AGAP6: variants seen among roughly 807,000 people sequenced by gnomAD.
AGAP6 encodes the protein arf-GAP with GTPase, ANK repeat and PH domain-containing protein 6.
A neutral mutation model predicts 63.9 loss-of-function variants in AGAP6; 29 were observed. That is an observed-to-expected ratio of 0.45 (90% CI 0.34 to 0.62). AGAP6 has a LOEUF of 0.62. Ranked by LOEUF, AGAP6 falls within the 20% of genes least tolerant of loss-of-function variation. The probability of loss-of-function intolerance (pLI) is 0.01; values close to 1 mark genes in which losing one functional copy is unlikely to be tolerated. For missense variants in AGAP6, 493 were observed against 884.9 expected (o/e 0.56, Z 5.62); for synonymous variants, 199 against 332.9 (o/e 0.60, Z 4.38).
intron 6 of AGAP6, among the ~76,000 whole-genome samples, chr10:50,006,904 A>G (rs1216536975): frequency 2.0e-5 from 3 of 152,126 alleles, no homozygotes; most frequent in Non-Finnish European, 4.4e-5. Context: ...TGTAGGGGAC[A>G]GTGAAGAATA....
At position 49,996,719 on chromosome 10, in the gene AGAP6, AT is replaced by A. The variant is rs566634271; in HGVS notation, c.396+2293del. On this transcript the variant is annotated intron_variant, in intron 4 of 7. Coordinates refer to ENST00000412531, the MANE Select transcript of AGAP6 (RefSeq NM_001077665.3). Reference sequence around the variant, plus strand: ...GGTGGACTTGGGGCTCTAGTTAGAGATTTGCAACTGACCTTGCTGGCTTTTT... The same window carrying A: ...GGTGGACTTGGGGCTCTAGTTAGAGATTGCAACTGACCTTGCTGGCTTTTT... Among the ~76,000 whole-genome samples the A allele has an allele frequency of 1.1e-4, 15 of 142,810 alleles. No individual in the cohort carries two copies. The South Asian group carries it at 3.1e-3, about 30-fold the overall frequency. 93.7% of individuals were successfully genotyped at this position (142,810 alleles called of 152,430 possible). A position where few individuals can be genotyped will look rare whatever the true frequency, so the allele number is the denominator to read the frequency against.
intron 6 of AGAP6, among the ~76,000 whole-genome samples, chr10:50,005,043 G>T (rs1841861416): frequency 6.6e-6 from 1 of 152,130 alleles, no homozygotes; most frequent in East Asian, 1.9e-4. Flanking sequence ...ATGCTTTGTT[G>T]TGAGGACTGT....
intron 4 of AGAP6, among the ~76,000 whole-genome samples, chr10:49,995,496 G>GA (rs2132129110): frequency 6.6e-6 from 1 of 152,246 alleles, no homozygotes; most frequent in South Asian, 2.1e-4. Flanking sequence ...GCCTTTCAAA[G>GA]ATATTTTCCA....
At chr10:49,990,314 G>A (rs370519901) in intron 2 of AGAP6, among the ~76,000 whole-genome samples, 1 of 152,034 alleles carries the variant, frequency 6.6e-6, no homozygotes, top group African/African-American at 2.4e-5. Context: ...GCGTAGTGGC[G>A]CATGACTGTA....
chr10:49,988,968 C>T (rs781864560), intron 1 of AGAP6, 30 bp downstream of exon 1: 11 of 1,600,624 alleles, frequency 6.9e-6, no homozygotes, highest in Middle Eastern at 1.9e-4. Context: ...CATCTACCCT[C>T]GGTTTGCCTC....
At chr10:50,007,911 A>G in intron 6 of AGAP6, 114 bp from the exon 7 acceptor site, 1 of 1,589,796 alleles carries the variant, frequency 6.3e-7, no homozygotes, top group African/African-American at 1.4e-5. Context: ...AGAATTCATA[A>G]AAACTGCTTT....
At chr10:50,004,435 GTTA>G (rs1425147259) in intron 5 of AGAP6, among the ~76,000 whole-genome samples, 1 of 150,664 alleles carries the variant, frequency 6.6e-6, no homozygotes, top group African/African-American at 2.4e-5. Flanking sequence ...AGGGAAATCT[GTTA>G]TTATTTATAT....
In AGAP6 at chr10:50,009,164, C is replaced by T. The variant is rs1308213044; in HGVS notation, c.1039C>T (p.Leu347=). ...TIKVPGKWPS[L]ATSACTPISS... is the part of the protein sequence containing the mutation. ...CAAAGTCCCAGGAAAGTGGCCATCCCTAGCCACATCGGCCTGCACACCCAT... is the reference window on the plus strand; with the variant it reads ...CAAAGTCCCAGGAAAGTGGCCATCCTTAGCCACATCGGCCTGCACACCCAT... Residue 347 remains leucine (L), a synonymous_variant, in exon 8 of 8, where the codon CTA becomes TTA. Transcript: ENST00000412531. 6.2e-7 allele frequency: 1 copy of T among 1,612,768 alleles called. No individual in the cohort carries two copies. Among genetic ancestry groups the T allele is most frequent in the South Asian group, 1.1e-5 (1 of 91,046 alleles).
chr10:50,002,071 C>A lies in AGAP6; in HGVS notation c.472C>A (p.His158Asn), dbSNP rs1554863027. 3.7e-6 allele frequency: 6 copies of A among 1,610,436 alleles called. No individual in the cohort carries two copies. The highest frequency in any genetic ancestry group is 5.1e-6 in the Non-Finnish European group (6 of 1,179,684). ...IFLDDSTAIQHYLTMTIISVT... is the reference protein window; with the variant it reads ...IFLDDSTAIQNYLTMTIISVT... The stretch of plus-strand genomic sequence containing the variant: ...CCTTGATGACAGCACAGCCATCCAG[C>A]ATTATCTTACAATGACAATAATATC... Residue 158 changes from histidine to asparagine, a missense_variant, in exon 5 of 8, where the codon CAT (histidine) becomes AAT (asparagine). His to Asn is a moderately conservative substitution (Grantham distance 68). This residue lies in a region of AGAP6 where 342 missense variants were observed against 533.4 expected (regional missense o/e 0.64). Transcript: ENST00000412531.
chr10:49,992,551 A>G (rs148343903), intron 3 of AGAP6, among the ~76,000 whole-genome samples: 3 of 152,292 alleles, frequency 2.0e-5, no homozygotes, highest in Non-Finnish European at 4.4e-5. Flanking sequence ...CATTTTTTAC[A>G]TTACTGTAAA....
At chr10:49,999,063 T>C (rs1301106928) in intron 4 of AGAP6, among the ~76,000 whole-genome samples, 1 of 136,572 alleles carries the variant, frequency 7.3e-6, no homozygotes, top group Non-Finnish European at 1.5e-5. Flanking sequence ...CATGGTGAAA[T>C]CCCATCTCTA....
intron 4 of AGAP6, among the ~76,000 whole-genome samples, chr10:49,996,729 G>A (rs1398217444): frequency 6.9e-6 from 1 of 145,536 alleles, no homozygotes; most frequent in African/African-American, 2.5e-5. Flanking sequence ...ATTTGCAACT[G>A]ACCTTGCTGG....
chr10:50,010,299 G>A lies in AGAP6; in HGVS notation c.*113G>A, dbSNP rs1402463738. ...AATTCAGCTAATATTAGCATTTTCA[G>A]TACTTTTCGTAAACTAAGTAAATAC... On this transcript the variant is annotated 3_prime_UTR_variant, in exon 8 of 8. Coordinates refer to ENST00000412531, the MANE Select transcript of AGAP6 (RefSeq NM_001077665.3). The A allele has an allele frequency of 2.5e-6, 4 of 1,596,024 alleles. No homozygotes were observed. The highest frequency in any genetic ancestry group is 2.7e-5 in the African/African-American group (2 of 74,448).
Position 50,009,793 on chromosome 10 carries a change from A to T in AGAP6, c.1668A>T (p.Glu556Asp). 6.2e-7 allele frequency: 1 copy of T among 1,613,806 alleles called. No individual in the cohort carries two copies. Among genetic ancestry groups the T allele is most frequent in the Non-Finnish European group, 8.5e-7 (1 of 1,179,970 alleles). The change falls in exon 8 of 8, where the codon GAA (glutamate) becomes GAT (aspartate). Residue 556 changes from glutamate to aspartate, a missense_variant. Coordinates refer to ENST00000412531, the MANE Select transcript of AGAP6 (RefSeq NM_001077665.3). ...GCCAGGGGCAGACAAAACCCTCAGA[A>T]AAGTCCACGAGGGAAGAGAAGGAAC... Reference protein sequence around the residue: ...GSSQGQTKPSEKSTREEKERW... With the variant: ...GSSQGQTKPSDKSTREEKERW...
At position 49,998,812 on chromosome 10, in the gene AGAP6, T is replaced by C. The variant is rs527469051; in HGVS notation, c.397-3184T>C. ...TTGTAGATTGCTTTTGGCAGTATGGTCATTTTCACAATATTCATTCTACCC... is the reference window on the plus strand; with the variant it reads ...TTGTAGATTGCTTTTGGCAGTATGGCCATTTTCACAATATTCATTCTACCC... On this transcript the variant is annotated intron_variant, in intron 4 of 7. Transcript: ENST00000412531. 1.6e-3 allele frequency among the ~76,000 whole-genome samples: 219 copies of C among 140,020 alleles called. 33 individuals are homozygous for C. The highest frequency in any genetic ancestry group is 5.6e-3 in the African/African-American group (206 of 36,662). 91.9% of individuals were successfully genotyped at this position (140,020 alleles called of 152,430 possible). A position where few individuals can be genotyped will look rare whatever the true frequency, so the allele number is the denominator to read the frequency against.
intron 4 of AGAP6, among the ~76,000 whole-genome samples, chr10:49,999,294 A>G (rs71508026): frequency 0.22 from 28,947 of 133,744 alleles, 5,538 homozygotes; most frequent in Non-Finnish European, 0.29. Context: ...CCAGGGATGC[A>G]GGGATGGATT....
rs1466071710 is a variant in AGAP6, at chr10:50,008,976, T to C, written c.851T>C (p.Ile284Thr). 6.2e-7 allele frequency: 1 copy of C among 1,613,792 alleles called. No homozygotes were observed. The highest frequency in any genetic ancestry group is 1.3e-5 in the African/African-American group (1 of 74,896). ...DTIGSGRAIP[I>T]KQGMLLKRSG... ...ATCGGGAGCGGTAGAGCCATCCCCATTAAACAGGGCATGCTCTTAAAGCGA... is the reference window on the plus strand; with the variant it reads ...ATCGGGAGCGGTAGAGCCATCCCCACTAAACAGGGCATGCTCTTAAAGCGA... The change falls in exon 8 of 8, where the codon ATT becomes ACT. Residue 284 changes from isoleucine to threonine, a missense_variant. By Grantham distance (89) the Ile-to-Thr change is moderately conservative. This residue lies in a region of AGAP6 where 342 missense variants were observed against 533.4 expected (regional missense o/e 0.64). Coordinates refer to ENST00000412531, the MANE Select transcript of AGAP6 (RefSeq NM_001077665.3).
At chr10:49,989,558 ATTG>A (rs1841188088) in intron 2 of AGAP6, among the ~76,000 whole-genome samples, 182 bp downstream of exon 2, 1 of 152,080 alleles carries the variant, frequency 6.6e-6, no homozygotes, top group Non-Finnish European at 1.5e-5. Context: ...TAAGTGCCTA[ATTG>A]TTTCCTTTGT....
chr10:50,003,646 A>G (rs1242872121), intron 5 of AGAP6, among the ~76,000 whole-genome samples: 1 of 152,198 alleles, frequency 6.6e-6, no homozygotes, highest in African/African-American at 2.4e-5. Flanking sequence ...AAAATGTCTC[A>G]TGTTGAAGAT....
Sources: allele counts gnomAD v4.1 joint callset (sites outside exome capture counted in the v4.1 genomes callset), GRCh38; gene constraint gnomAD v4.1.1; regional missense constraint gnomAD v4.1.1; transcripts MANE v1.5; gene names NCBI Gene and HGNC (gene_info 2026-07-23, HGNC 2026-07-21).